The following DHRS4L2 variants were observed in gnomAD, a reference collection of about 807,000 sequenced individuals.
DHRS4L2 encodes dehydrogenase/reductase SDR family member 4-like 2.
In DHRS4L2, 22 loss-of-function variants were observed where a neutral mutation model predicts 23.9. The ratio of observed to expected loss-of-function variants is 0.92; its 90% confidence interval spans 0.66 to 1.31. The LOEUF (loss-of-function observed/expected upper bound fraction) is 1.31, where lower values mean the gene tolerates loss of function less well. DHRS4L2 is among the 40% of genes most tolerant of loss of function. DHRS4L2 has a pLI of 0.00. For synonymous variants in DHRS4L2, 141 were observed against 123.7 expected (o/e 1.14, Z -0.93); for missense variants, 385 against 303.3 (o/e 1.27, Z -2.00).
chr14:23,980,965 G>C (rs531807503), intron 1 of DHRS4L2, among the ~76,000 whole-genome samples: 3 of 151,588 alleles, frequency 2.0e-5, no homozygotes, highest in Non-Finnish European at 4.4e-5. Flanking sequence ...AGGGCACTCA[G>C]GCAAGAGGAA....
At chr14:23,995,185 C>T in intron 3 of DHRS4L2, 52 bp downstream of exon 3, 1 of 1,584,390 alleles carries the variant, frequency 6.3e-7, no homozygotes, top group Middle Eastern at 1.7e-4. Flanking sequence ...ACATTCAGCA[C>T]AAACTCCATC....
chr14:23,988,758 G>A (rs149890493), upstream of DHRS4L2: 506 of 1,388,610 alleles, frequency 3.6e-4, 8 homozygotes, highest in African/African-American at 4.9e-3. Context: ...CCAGTCAGGC[G>A]GAAGGTAGCT....
chr14:23,977,765 T>A (rs2033994389), intron 1 of DHRS4L2, among the ~76,000 whole-genome samples: 1 of 151,606 alleles, frequency 6.6e-6, no homozygotes, highest in Non-Finnish European at 1.5e-5. Flanking sequence ...TTAATGACCC[T>A]TGTTGTATAT....
chr14:23,985,416 C>G (rs1324851256), upstream of DHRS4L2, among the ~76,000 whole-genome samples: 2 of 151,676 alleles, frequency 1.3e-5, no homozygotes, highest in Admixed American at 1.3e-4. Flanking sequence ...CCACACCAGC[C>G]CTTCCACATA....
In DHRS4L2 at chr14:24,001,449, G is replaced by A; in HGVS notation, c.597G>A (p.Glu199=). Reference sequence around the variant, plus strand: ...GCCTCAACAATACCCTGGCCATAGAGCTGGCCCCAAGGAACATTAGGGTGA... The same window carrying A: ...GCCTCAACAATACCCTGGCCATAGAACTGGCCCCAAGGAACATTAGGGTGA... ...LLGLNNTLAI[E]LAPRNIRVNC... The change falls in exon 6 of 8, where the codon GAG becomes GAA. Residue 199 remains glutamate, a synonymous_variant. Transcript: ENST00000335125. 1.2e-6 allele frequency: 2 copies of A among 1,606,962 alleles called. No individual in the cohort carries two copies. Among genetic ancestry groups the A allele is most frequent in the South Asian group, 2.2e-5 (2 of 90,744 alleles).
intron 2 of DHRS4L2, among the ~76,000 whole-genome samples, chr14:23,991,219 G>C (rs2034262207): frequency 6.6e-6 from 1 of 151,654 alleles, no homozygotes. Flanking sequence ...AGCAATAGTA[G>C]ACAGAATAGG....
chr14:24,004,327 C>T lies in DHRS4L2; in HGVS notation c.666-10C>T, dbSNP rs532460612. The T allele has an allele frequency of 2.7e-5, 42 of 1,583,704 alleles. 3 individuals carry two copies. The highest frequency in any genetic ancestry group is 2.3e-4 in the South Asian group (20 of 87,856). On this transcript the variant is annotated splice_polypyrimidine_tract_variant and intron_variant, in intron 6 of 7. Coordinates refer to ENST00000335125, the MANE Select transcript of DHRS4L2 (RefSeq NM_198083.4). Reference sequence around the variant, plus strand: ...AAAAAAACATAAAGAGATTTCCCTTCTTCCTACAGCTCTGGATGGACAAGG... The same window carrying T: ...AAAAAAACATAAAGAGATTTCCCTTTTTCCTACAGCTCTGGATGGACAAGG...
chr14:23,990,450 T>A, intron 2 of DHRS4L2, 91 bp downstream of exon 2: 4 of 1,465,784 alleles, frequency 2.7e-6, no homozygotes, highest in Non-Finnish European at 3.6e-6. Flanking sequence ...AGCAGCACAT[T>A]TTTACTGTGT....
intron 1 of DHRS4L2, among the ~76,000 whole-genome samples, chr14:23,974,719 T>C (rs2033933172): frequency 2.0e-5 from 3 of 151,838 alleles, no homozygotes; most frequent in Admixed American, 2.0e-4. Context: ...AATTGCTGAA[T>C]AGACCAATAA....
intron 1 of DHRS4L2, among the ~76,000 whole-genome samples, chr14:23,977,628 G>A (rs927903624): frequency 4.0e-5 from 6 of 151,738 alleles, no homozygotes; most frequent in Non-Finnish European, 8.8e-5. Context: ...ACTGTGATCT[G>A]AGTCGTATGT....
chr14:23,984,945 G>A (rs1367032869), upstream of DHRS4L2, among the ~76,000 whole-genome samples: 1 of 151,456 alleles, frequency 6.6e-6, no homozygotes, highest in Non-Finnish European at 1.5e-5. Context: ...GGGAACAAGG[G>A]CCCTGAGCTT....
intron 3 of DHRS4L2, 37 bp downstream of exon 3, chr14:23,995,170 G>C (rs372909905): frequency 6.2e-7 from 1 of 1,604,134 alleles, no homozygotes; most frequent in Non-Finnish European, 8.5e-7. Flanking sequence ...AGGGGGCCTC[G>C]GGACACATTC....
chr14:23,990,125 C>A, intron 1 of DHRS4L2, 57 bp from the exon 2 acceptor site: 1 of 1,599,424 alleles, frequency 6.3e-7, no homozygotes, highest in Non-Finnish European at 8.5e-7. Flanking sequence ...AGAGCCCATG[C>A]TGTCGACCTC....
At chr14:23,985,542 G>C (rs1056982090), upstream of DHRS4L2, among the ~76,000 whole-genome samples, 2 of 151,470 alleles carry the variant, frequency 1.3e-5, no homozygotes, top group African/African-American at 2.4e-5. Context: ...ACCGCAGGCA[G>C]CCCTTGAAAA....
chr14:23,999,408 A>C lies in DHRS4L2; in HGVS notation c.409-1455A>C, dbSNP rs190696833. ...GCAAAGCATAAGAAAATATGTGTCT[A>C]TAACTTTTCTTTTAATTTGTATATT... On this transcript the variant is annotated intron_variant, in intron 3 of 7. Coordinates refer to ENST00000335125, the MANE Select transcript of DHRS4L2 (RefSeq NM_198083.4). Among the ~76,000 whole-genome samples the C allele has an allele frequency of 1.8e-4, 27 of 149,268 alleles. No individual in the cohort carries two copies. In the East Asian group the frequency reaches 4.5e-3, roughly 25 times the overall value.
At chr14:23,981,700 G>C (rs2034056303) in intron 1 of DHRS4L2, among the ~76,000 whole-genome samples, 1 of 151,690 alleles carries the variant, frequency 6.6e-6, no homozygotes, top group African/African-American at 2.4e-5. Context: ...ATCTCAGCAA[G>C]AGGAATGCAG....
chr14:24,005,560 AT>A (rs1215596088), intron 7 of DHRS4L2, among the ~76,000 whole-genome samples: 2 of 152,046 alleles, frequency 1.3e-5, no homozygotes, highest in African/African-American at 2.4e-5. Flanking sequence ...ATGTGAAACC[AT>A]TTTTTTGAAG....
chr14:23,998,642 T>A (rs1049529830), intron 3 of DHRS4L2, among the ~76,000 whole-genome samples: 40 of 151,956 alleles, frequency 2.6e-4, no homozygotes, highest in African/African-American at 9.6e-4. Context: ...CGGAGCTTCT[T>A]CACTTCTCTC....
chr14:23,992,722 G>C (rs370558789), intron 2 of DHRS4L2, among the ~76,000 whole-genome samples: 1 of 150,896 alleles, frequency 6.6e-6, no homozygotes, highest in Admixed American at 6.6e-5. Flanking sequence ...GCCTCATTCT[G>C]TTGCCCAGGC....
Sources: allele counts gnomAD v4.1 joint callset (sites outside exome capture counted in the v4.1 genomes callset), GRCh38; gene constraint gnomAD v4.1.1; transcripts MANE v1.5; gene names NCBI Gene and HGNC (gene_info 2026-07-23, HGNC 2026-07-21).